Variants in IFIH1 observed in about 807,000 individuals in gnomAD.
The protein encoded by IFIH1 is interferon induced with helicase C domain 1.
A neutral mutation model predicts 107.4 loss-of-function variants in IFIH1; 125 were observed. That is an observed-to-expected ratio of 1.16 (90% confidence interval 1.01 to 1.35). The LOEUF is 1.35. Among genes scored for constraint, IFIH1 ranks in the 40% most tolerant of loss-of-function variants. The pLI, the probability that IFIH1 is intolerant of heterozygous loss-of-function variation, is 0.00. For missense variants in IFIH1, 1,333 were observed against 1,213.7 expected (o/e 1.10, Z -1.46); for synonymous variants, 458 against 413.2 (o/e 1.11, Z -1.31).
chr2:162,277,075 A>C lies in IFIH1; in HGVS notation c.2045-129T>G. The stretch of plus-strand genomic sequence containing the variant: ...TTGATTAAAAATTAATTAATTTAAA[A>C]ACTATTTGGAAGTATAAATTAGTAA... On this transcript the variant is annotated intron_variant, in intron 10 of 15. Coordinates refer to ENST00000649979, the MANE Select transcript of IFIH1 (RefSeq NM_022168.4). 1.0e-5 allele frequency: 7 copies of C among 695,024 alleles called. No individual in the cohort carries two copies. In the Admixed American group the frequency reaches 2.1e-4, roughly 21 times the overall value. 43.1% of individuals were successfully genotyped at this position (695,024 alleles called of 1,614,324 possible). A position where few individuals can be genotyped will look rare whatever the true frequency, so the allele number is the denominator to read the frequency against.
intron 6 of IFIH1, 77 bp from the exon 7 acceptor site, chr2:162,281,622 G>T: frequency 9.3e-7 from 1 of 1,077,100 alleles, no homozygotes; most frequent in Admixed American, 2.2e-5. Context: ...ACCAGTAATT[G>T]AGCTGCCTTG....
rs780014267 is a variant in IFIH1, at chr2:162,306,759, A to T, written c.719T>A (p.Met240Lys). Reference sequence around the variant, plus strand: ...AGATGATTCTGATGAGTTATTCTCCATGCCCCAGACCTCCTTCTCCAGATT... The same window carrying T: ...AGATGATTCTGATGAGTTATTCTCCTTGCCCCAGACCTCCTTCTCCAGATT... ...QPNLEKEVWG[M>K]ENNSSESSFA... Residue 240 changes from methionine (M) to lysine (K), a missense_variant, in exon 3 of 16, where the codon ATG becomes AAG. Met to Lys is a moderately conservative substitution (Grantham distance 95). Transcript: ENST00000649979. 2 of 1,613,952 alleles carry T rather than the reference A, an allele frequency of 1.2e-6. No individual in the cohort carries two copies. Among genetic ancestry groups the T allele is most frequent in the Non-Finnish European group, 8.5e-7 (1 of 1,179,880 alleles).
chr2:162,268,318 T>C (rs767792779), intron 13 of IFIH1, 41 bp from the exon 14 acceptor site: 2 of 1,394,144 alleles, frequency 1.4e-6, no homozygotes, highest in Admixed American at 4.0e-5. Context: ...CAGGTTTGTT[T>C]TCTTTTTTCA....
Position 162,272,345 on chromosome 2 carries a change from C to A in IFIH1, c.2497G>T (p.Val833Phe). The A allele has an allele frequency of 6.2e-7, 1 of 1,613,580 alleles. No homozygotes were observed. Among genetic ancestry groups the A allele is most frequent in the Non-Finnish European group, 8.5e-7 (1 of 1,179,722 alleles). Reference protein sequence around the residue: ...ARADESTYVLVAHSGSGVIEH... With the variant: ...ARADESTYVLFAHSGSGVIEH... ...ATAACTCCTGAACCACTGTGAGCAA[C>A]CAGGACGTAGGTGCTCTCATCAGCT... Residue 833 changes from valine to phenylalanine, a missense_variant, in exon 13 of 16, where the codon GTT becomes TTT. Physicochemically the swap from Val to Phe is conservative, Grantham distance 50. Coordinates refer to ENST00000649979, the MANE Select transcript of IFIH1 (RefSeq NM_022168.4).
chr2:162,301,225 C>A (rs1198162178), intron 3 of IFIH1, among the ~76,000 whole-genome samples: 1 of 152,160 alleles, frequency 6.6e-6, no homozygotes, highest in Admixed American at 6.5e-5. Flanking sequence ...ATTTTAAAAT[C>A]TTCACGTGAA....
Position 162,310,794 on chromosome 2 carries a change from G to C in IFIH1, c.593C>G (p.Thr198Arg). Residue 198 changes from threonine to arginine, a missense_variant, in exon 2 of 16, where the codon ACA (threonine) becomes AGA (arginine). Thr to Arg is a moderately conservative substitution (Grantham distance 71). Coordinates refer to ENST00000649979, the MANE Select transcript of IFIH1 (RefSeq NM_022168.4). Reference sequence around the variant, plus strand: ...ATTGCTTTCTGAGCAATCAGAGCCTGTTAACTCTTGGACAAGTTCATTGTT... The same window carrying C: ...ATTGCTTTCTGAGCAATCAGAGCCTCTTAACTCTTGGACAAGTTCATTGTT... ...TGNNELVQEL[T>R]GSDCSESNAE... 1 of 1,613,814 alleles carries C rather than the reference G, an allele frequency of 6.2e-7. No individual in the cohort carries two copies. The highest frequency in any genetic ancestry group is 8.5e-7 in the Non-Finnish European group (1 of 1,179,830).
chr2:162,276,747 T>G lies in IFIH1; in HGVS notation c.2244A>C (p.Gly748=). The part of the protein sequence containing the change: ...ITENEKFAEV[G]VKAHHLIGAG... ...CTCCAATCAGATGGTGGGCTTTGAC[T>G]CCTACTTCAGCAAATTTTTCATTTT... Residue 748 remains glycine (G), a synonymous_variant, in exon 11 of 16, where the codon GGA becomes GGC. Transcript: ENST00000649979. 3 of 1,614,050 alleles carry G rather than the reference T, an allele frequency of 1.9e-6. No individual in the cohort carries two copies. Among genetic ancestry groups the G allele is most frequent in the Non-Finnish European group, 8.5e-7 (1 of 1,179,932 alleles).
intron 12 of IFIH1, 146 bp downstream of exon 12, chr2:162,273,649 G>A (rs949629749): frequency 2.9e-5 from 18 of 612,270 alleles, no homozygotes; most frequent in African/African-American, 7.7e-5. Context: ...ACAGTGCACA[G>A]CATTTTAAAA....
At chr2:162,306,926 T>A (rs112610136) in intron 2 of IFIH1, 71 bp from the exon 3 acceptor site, 13 of 1,374,426 alleles carry the variant, frequency 9.5e-6, no homozygotes, top group Non-Finnish European at 1.1e-5. Context: ...ATAACTGTTA[T>A]TGTTATTTTG....
At chr2:162,311,027 C>T in intron 1 of IFIH1, 94 bp from the exon 2 acceptor site, 1 of 904,948 alleles carries the variant, frequency 1.1e-6, no homozygotes, top group Non-Finnish European at 1.7e-6. Context: ...AGCAATTAAG[C>T]ATAAGTATAA....
intron 14 of IFIH1, 76 bp from the exon 15 acceptor site, chr2:162,267,645 C>G: frequency 9.3e-7 from 1 of 1,069,658 alleles, no homozygotes; most frequent in Middle Eastern, 2.5e-4. Context: ...GTTATTGGAC[C>G]TGGAGCTCAT....
chr2:162,276,577 C>T, intron 11 of IFIH1, 110 bp downstream of exon 11: 1 of 1,208,266 alleles, frequency 8.3e-7, no homozygotes, highest in Non-Finnish European at 1.1e-6. Context: ...TGCTCTTCAG[C>T]CTGAGTGACA....
intron 12 of IFIH1, among the ~76,000 whole-genome samples, chr2:162,273,406 T>C (rs1691083919): frequency 6.6e-6 from 1 of 152,110 alleles, no homozygotes; most frequent in Admixed American, 6.6e-5. Flanking sequence ...TCCCTCAGGT[T>C]TGGGCATGTT....
Position 162,282,347 on chromosome 2 carries a change from A to T in IFIH1, c.1306+19T>A. ...ATATTACTATTAATTTTTTTAAAAA[A>T]ATAAACACTTAAACTGACCTGACAA... On this transcript the variant is annotated intron_variant, in intron 6 of 15. Transcript: ENST00000649979. The T allele has an allele frequency of 6.6e-7, 1 of 1,524,976 alleles. No individual in the cohort carries two copies. Among genetic ancestry groups the T allele is most frequent in the Non-Finnish European group, 8.9e-7 (1 of 1,121,608 alleles). The allele number at this position is 1,524,976 out of a possible 1,614,324, so 94.5% of individuals were successfully genotyped here. A position where few individuals can be genotyped will look rare whatever the true frequency, so the allele number is the denominator to read the frequency against.
intron 2 of IFIH1, among the ~76,000 whole-genome samples, chr2:162,308,832 TTCATC>T (rs751116005): frequency 1.3e-5 from 2 of 152,202 alleles, no homozygotes; most frequent in East Asian, 1.9e-4. Context: ...ACAAAATACA[TTCATC>T]TCATCTCATC....
intron 7 of IFIH1, among the ~76,000 whole-genome samples, chr2:162,281,008 T>C (rs935851095): frequency 3.3e-5 from 5 of 152,076 alleles, no homozygotes; most frequent in Admixed American, 3.3e-4. Context: ...TTTCATAGTT[T>C]ATGCATATTT....
At position 162,318,570 on chromosome 2, in the gene IFIH1, C is replaced by A. The variant is rs975455354; in HGVS notation, c.-263G>T. On this transcript the variant is annotated 5_prime_UTR_variant, in exon 1 of 16. Transcript: ENST00000649979. ...GGCAGGCAGGTGCGGCCGGCAGGCG[C>A]GGCACTTTGGACTCTGCGGTGTGCG... The A allele has an allele frequency of 2.5e-5, 6 of 242,020 alleles. No individual in the cohort carries two copies. Among genetic ancestry groups the A allele is most frequent in the Non-Finnish European group, 4.7e-5 (6 of 128,754 alleles). The allele number at this position is 242,020 out of a possible 1,614,324, so 15.0% of individuals were successfully genotyped here.
At chr2:162,312,221 T>C (rs1341357314) in intron 1 of IFIH1, among the ~76,000 whole-genome samples, 2 of 152,224 alleles carry the variant, frequency 1.3e-5, no homozygotes, top group Admixed American at 1.3e-4. Context: ...TTAGAACTAT[T>C]ATGGATGATT....
chr2:162,272,294 G>A lies in IFIH1; in HGVS notation c.2548C>T (p.Arg850Ter), dbSNP rs750804689. The stretch of plus-strand genomic sequence containing the variant: ...ATAGCTTTATACATCATCTTCTCTC[G>A]GAAATCATTAACTGTCTCATGTTCG... ...VIEHETVNDF[R>*]EKMMYKAIHC... The change falls in exon 13 of 16, where the codon CGA becomes TGA. Residue 850 changes from arginine (R) to a stop codon, truncating the protein, a stop_gained. Transcript: ENST00000649979. LOFTEE classifies it high-confidence loss of function. 28 of 1,612,528 alleles carry A rather than the reference G, an allele frequency of 1.7e-5. No homozygotes were observed. The highest frequency in any genetic ancestry group is 1.6e-4 in the Middle Eastern group (1 of 6,074).
Sources: gnomAD v4.1 joint callset for allele counts (sites outside exome capture counted in the v4.1 genomes callset) on GRCh38, gnomAD v4.1.1 for gene constraint, MANE v1.5 for transcripts, NCBI Gene and HGNC (gene_info 2026-07-23, HGNC 2026-07-21) for gene names.